ATP8A1: variants seen among roughly 807,000 people sequenced by gnomAD.
ATP8A1 encodes phospholipid-transporting ATPase IA.
In ATP8A1, 90 loss-of-function variants were observed where a neutral mutation model predicts 177.7. The ratio of observed to expected loss-of-function variants is 0.51; its 90% CI spans 0.43 to 0.60. ATP8A1 has a LOEUF of 0.60. Ranked by LOEUF, ATP8A1 falls within the 20% of genes least tolerant of loss-of-function variation. The pLI, the probability that ATP8A1 is intolerant of heterozygous loss-of-function variation, is 0.00. For missense variants in ATP8A1, 1,072 were observed against 1,392.8 expected, an observed-to-expected ratio of 0.77 and a Z score of 3.67; for synonymous variants, 493 against 485.9, an observed-to-expected ratio of 1.01 and a Z score of -0.19.
At chr4:42,487,408 A>G (rs1172823155) in intron 24 of ATP8A1, among the ~76,000 whole-genome samples, 1 of 152,174 alleles carries the variant, frequency 6.6e-6, no homozygotes, top group African/African-American at 2.4e-5. Context: ...CAAGAGCCCT[A>G]CCGTGGTGAA....
intron 23 of ATP8A1, among the ~76,000 whole-genome samples, chr4:42,506,519 G>A (rs1329226611): frequency 6.6e-6 from 1 of 152,126 alleles, no homozygotes; most frequent in Non-Finnish European, 1.5e-5. Flanking sequence ...TAATGCAATA[G>A]GACTGATGTT....
At chr4:42,513,643 G>T (rs995742772) in intron 22 of ATP8A1, among the ~76,000 whole-genome samples, 3 of 152,192 alleles carry the variant, frequency 2.0e-5, no homozygotes, top group African/African-American at 7.2e-5. Context: ...AATGATAGAT[G>T]AAGTGACGTG....
chr4:42,472,835 T>A (rs1240738230), intron 25 of ATP8A1, among the ~76,000 whole-genome samples: 1 of 151,424 alleles, frequency 6.6e-6, no homozygotes, highest in Non-Finnish European at 1.5e-5. Context: ...GACCAAAGTA[T>A]GTTTTATATA....
chr4:42,579,875 G>C lies in ATP8A1; in HGVS notation c.938C>G (p.Ser313Cys). The C allele has an allele frequency of 6.2e-7, 1 of 1,613,722 alleles. No homozygotes were observed. Among genetic ancestry groups the C allele is most frequent in the South Asian group, 1.1e-5 (1 of 91,022 alleles). ...TCGATTCCAAATGGCTGAGCCCACA[G>C]AACAGACAAGAGACATGGCAATTAA... ...CILIAMSLVC[S>C]VGSAIWNRRH... Residue 313 changes from serine (S) to cysteine (C), a missense_variant, in exon 11 of 37, where the codon TCT becomes TGT. This residue lies in a region of ATP8A1 where 344 missense variants were observed against 393.5 expected (regional missense o/e 0.87). Transcript: ENST00000381668.
intron 24 of ATP8A1, among the ~76,000 whole-genome samples, chr4:42,501,211 C>T (rs573101439): frequency 6.6e-6 from 1 of 152,294 alleles, no homozygotes; most frequent in African/African-American, 2.4e-5. Context: ...ATAGTATTTT[C>T]TTATAACAAA....
intron 15 of ATP8A1, among the ~76,000 whole-genome samples, chr4:42,558,589 T>C (rs1174651291): frequency 6.6e-6 from 1 of 152,330 alleles, no homozygotes; most frequent in Middle Eastern, 3.4e-3. Flanking sequence ...TTAATCAGTA[T>C]AGTTGTCCTT....
intron 15 of ATP8A1, among the ~76,000 whole-genome samples, chr4:42,560,357 T>C (rs141318145): frequency 1.3e-5 from 2 of 152,202 alleles, no homozygotes; most frequent in African/African-American, 2.4e-5. Context: ...ATTTGTAATA[T>C]GTTAATGCAT....
intron 29 of ATP8A1, among the ~76,000 whole-genome samples, chr4:42,454,285 A>T (rs1262804374): frequency 1.3e-5 from 2 of 152,138 alleles, no homozygotes; most frequent in Non-Finnish European, 2.9e-5. Flanking sequence ...GCACCAAAAC[A>T]CCTGTTTCAC....
chr4:42,581,422 C>T (rs760317801), intron 10 of ATP8A1, among the ~76,000 whole-genome samples, 199 bp downstream of exon 10: 12 of 152,264 alleles, frequency 7.9e-5, no homozygotes, highest in South Asian at 4.1e-4. Flanking sequence ...CGTGAGCCAC[C>T]GCGCCCAGCC....
At chr4:42,614,086 C>T (rs1294720906) in intron 5 of ATP8A1, among the ~76,000 whole-genome samples, 1 of 142,794 alleles carries the variant, frequency 7.0e-6, no homozygotes, top group African/African-American at 2.4e-5. Context: ...AGCCATAGGG[C>T]CAATCCTGTT....
intron 24 of ATP8A1, among the ~76,000 whole-genome samples, chr4:42,494,950 TAA>T (rs1161909232): frequency 1.4e-4 from 22 of 152,064 alleles, no homozygotes; most frequent in Non-Finnish European, 2.9e-5. Context: ...TTACTGGGAG[TAA>T]AAAACAAAAA....
intron 5 of ATP8A1, among the ~76,000 whole-genome samples, chr4:42,612,286 C>T (rs1269707742): frequency 6.6e-6 from 1 of 151,524 alleles, no homozygotes; most frequent in Non-Finnish European, 1.5e-5. Context: ...AAGTATTTAT[C>T]TGGAGAGTGG....
intron 20 of ATP8A1, among the ~76,000 whole-genome samples, chr4:42,539,403 C>CA (rs985873845): frequency 1.4e-5 from 2 of 146,354 alleles, no homozygotes; most frequent in Non-Finnish European, 3.0e-5. Context: ...ATACCCCCCC[C>CA]CCAACAAAAA....
At chr4:42,638,121 T>C (rs1226640390) in intron 1 of ATP8A1, among the ~76,000 whole-genome samples, 1 of 152,216 alleles carries the variant, frequency 6.6e-6, no homozygotes, top group Admixed American at 6.5e-5. Flanking sequence ...AAATTTTCTA[T>C]TTCAATATAA....
chr4:42,445,940 C>T (rs1048748817), intron 31 of ATP8A1, among the ~76,000 whole-genome samples: 12 of 151,754 alleles, frequency 7.9e-5, no homozygotes, highest in East Asian at 3.9e-4. Context: ...ATTAGCTGGG[C>T]GTGATGGCAC....
intron 1 of ATP8A1, among the ~76,000 whole-genome samples, chr4:42,649,215 T>A (rs1182061731): frequency 6.6e-6 from 1 of 152,180 alleles, no homozygotes; most frequent in Non-Finnish European, 1.5e-5. Context: ...TTAATAAAAT[T>A]GATCTGTTCA....
chr4:42,559,129 C>CGAGCT (rs2153214445), intron 15 of ATP8A1, among the ~76,000 whole-genome samples: 1 of 152,160 alleles, frequency 6.6e-6, no homozygotes, highest in African/African-American at 2.4e-5. Context: ...GGGGCTGCAG[C>CGAGCT]GAGCTATGAT....
intron 21 of ATP8A1, among the ~76,000 whole-genome samples, chr4:42,522,695 G>A (rs572040047): frequency 1.6e-4 from 25 of 152,030 alleles, no homozygotes; most frequent in Non-Finnish European, 2.6e-4. Context: ...TCCCACATAG[G>A]GGGGTCTTTG....
In ATP8A1 at chr4:42,455,740, T is replaced by C. The variant is rs1395597884; in HGVS notation, c.2620-141A>G. 7 of 769,442 alleles carry C rather than the reference T, an allele frequency of 9.1e-6. No individual in the cohort carries two copies. In the Admixed American group the frequency reaches 2.2e-4, roughly 25 times the overall value. 47.7% of individuals were successfully genotyped at this position (769,442 alleles called of 1,614,324 possible). On this transcript the variant is annotated intron_variant, in intron 27 of 36. Transcript: ENST00000381668. Reference sequence around the variant, plus strand: ...GACTCTTTTGAAAATGACATTTCTTTGGTTTACTTTCTGATTGAAAGAGAT... The same window carrying C: ...GACTCTTTTGAAAATGACATTTCTTCGGTTTACTTTCTGATTGAAAGAGAT...
Sources: allele counts gnomAD v4.1 joint callset (sites outside exome capture counted in the v4.1 genomes callset), GRCh38; gene constraint gnomAD v4.1.1; regional missense constraint gnomAD v4.1.1; transcripts MANE v1.5; gene names NCBI Gene and HGNC (gene_info 2026-07-23, HGNC 2026-07-21).